The following TFCP2L1 variants were observed in gnomAD, a reference collection of about 807,000 sequenced individuals.
TFCP2L1 encodes the protein transcription factor CP2 like 1.
A neutral mutation model predicts 72.2 loss-of-function variants in TFCP2L1; 12 were observed. The ratio of observed to expected loss-of-function variants is 0.17; its 90% CI spans 0.11 to 0.27. The LOEUF (loss-of-function observed/expected upper bound fraction) is 0.27. Ranked by LOEUF, TFCP2L1 falls within the 10% of genes least tolerant of loss-of-function variation. TFCP2L1 has a pLI of 1.00. For synonymous variants in TFCP2L1, 260 were observed against 251.0 expected, an observed-to-expected ratio of 1.04 and a Z score of -0.34; for missense variants, 488 against 624.6, an observed-to-expected ratio of 0.78 and a Z score of 2.33.
intron 6 of TFCP2L1, among the ~76,000 whole-genome samples, chr2:121,245,720 T>C (rs1686467041): frequency 6.6e-6 from 1 of 152,208 alleles, no homozygotes; most frequent in Admixed American, 6.5e-5. Flanking sequence ...TGCCCAGTGC[T>C]CACTGTGGGC....
intron 2 of TFCP2L1, among the ~76,000 whole-genome samples, chr2:121,260,914 T>A (rs74902675): frequency 0.036 from 5,479 of 152,302 alleles, 153 homozygotes; most frequent in East Asian, 0.14. Flanking sequence ...CTACAGTTAC[T>A]GGTTTGGGTA....
At chr2:121,255,824 G>A (rs1383142166) in intron 2 of TFCP2L1, among the ~76,000 whole-genome samples, 3 of 151,450 alleles carry the variant, frequency 2.0e-5, no homozygotes, top group South Asian at 4.2e-4. Context: ...CTCACTGCAA[G>A]CTCTGCCTCC....
intron 3 of TFCP2L1, 23 bp downstream of exon 3, chr2:121,249,548 T>A (rs1454062534): frequency 6.2e-7 from 1 of 1,609,986 alleles, no homozygotes; most frequent in African/African-American, 1.3e-5. Context: ...CCCGAGGCAA[T>A]GAGAACAGCC....
chr2:121,274,364 G>A (rs1241508687), intron 2 of TFCP2L1, among the ~76,000 whole-genome samples: 9 of 152,116 alleles, frequency 5.9e-5, no homozygotes, highest in African/African-American at 1.7e-4. Flanking sequence ...GAGTCCTGAC[G>A]TGACCCCACA....
At position 121,255,444 on chromosome 2, in the gene TFCP2L1, G is replaced by A. The variant is rs758650225; in HGVS notation, c.215-5797C>T. 3.9e-5 allele frequency among the ~76,000 whole-genome samples: 6 copies of A among 152,154 alleles called. No homozygotes were observed. The South Asian group carries it at 8.3e-4, about 21-fold the overall frequency. ...AAAATAACCAAAACTGAATTGTCAC[G>A]TAGCCATGTGCCAGTACACTGCAAG... is the stretch of plus-strand genomic sequence containing the variant. On this transcript the variant is annotated intron_variant, in intron 2 of 14. Transcript: ENST00000263707.
At chr2:121,271,241 T>C (rs902511097) in intron 2 of TFCP2L1, among the ~76,000 whole-genome samples, 3 of 148,148 alleles carry the variant, frequency 2.0e-5, no homozygotes, top group Admixed American at 6.7e-5. Context: ...AAACAGCAAA[T>C]ATAAATATGA....
At chr2:121,278,360 A>G (rs1341676919) in intron 2 of TFCP2L1, among the ~76,000 whole-genome samples, 1 of 148,560 alleles carries the variant, frequency 6.7e-6, no homozygotes, top group Non-Finnish European at 1.5e-5. Flanking sequence ...TAACTGATCT[A>G]TGAGAGGATC....
chr2:121,246,991 C>A, intron 5 of TFCP2L1, 21 bp from the exon 6 acceptor site: 1 of 1,613,686 alleles, frequency 6.2e-7, no homozygotes, highest in Non-Finnish European at 8.5e-7. Context: ...AAACGTTGGG[C>A]AGGTGGCAAG....
rs1366762489 is a variant in TFCP2L1 at position 121,219,455 on chromosome 2, T to C, written c.*4886A>G. ...GGAATATCTGGGAGCCCCCATAAGT[T>C]TGCGGAGGAAGTAGTCAGCCCAGTT... On this transcript the variant is annotated 3_prime_UTR_variant, in exon 15 of 15. Coordinates refer to ENST00000263707, the MANE Select transcript of TFCP2L1 (RefSeq NM_014553.3). 1 of 152,182 alleles carries C rather than the reference T, an allele frequency of 6.6e-6. No homozygotes were observed. Among genetic ancestry groups the C allele is most frequent in the African/African-American group, 2.4e-5 (1 of 41,414 alleles). 9.4% of individuals were successfully genotyped at this position (152,182 alleles called of 1,614,324 possible).
intron 10 of TFCP2L1, among the ~76,000 whole-genome samples, chr2:121,236,092 G>A (rs918357865): frequency 6.6e-6 from 1 of 152,168 alleles, no homozygotes; most frequent in Admixed American, 6.5e-5. Flanking sequence ...TAGTCAGAGT[G>A]TTCATGCCCG....
chr2:121,266,561 T>C (rs1306704408), intron 2 of TFCP2L1, among the ~76,000 whole-genome samples: 1 of 152,202 alleles, frequency 6.6e-6, no homozygotes, highest in Non-Finnish European at 1.5e-5. Flanking sequence ...AGGCAGGCAG[T>C]TGCAGTCACC....
chr2:121,255,095 C>T (rs978109832), intron 2 of TFCP2L1, among the ~76,000 whole-genome samples: 7 of 152,232 alleles, frequency 4.6e-5, no homozygotes, highest in African/African-American at 1.7e-4. Context: ...TTTCCAGAAC[C>T]CACCACACTT....
chr2:121,275,425 T>C (rs374741419), intron 2 of TFCP2L1, among the ~76,000 whole-genome samples: 6 of 110,778 alleles, frequency 5.4e-5, no homozygotes, highest in African/African-American at 1.8e-4. Flanking sequence ...AGAAATAACA[T>C]GTAGACATTT....
chr2:121,253,365 A>G (rs1051000387), intron 2 of TFCP2L1, among the ~76,000 whole-genome samples: 2 of 152,222 alleles, frequency 1.3e-5, no homozygotes, highest in African/African-American at 4.8e-5. Flanking sequence ...TTGCTTCCCT[A>G]TTCAACATGG....
intron 2 of TFCP2L1, among the ~76,000 whole-genome samples, chr2:121,251,234 CGA>C (rs1476796211): frequency 2.7e-5 from 4 of 150,434 alleles, no homozygotes; most frequent in African/African-American, 4.9e-5. Flanking sequence ...CCAGCCTGGG[CGA>C]GAGAGTGAGA....
chr2:121,234,539 A>G (rs1686205543), intron 11 of TFCP2L1, among the ~76,000 whole-genome samples: 1 of 152,236 alleles, frequency 6.6e-6, no homozygotes, highest in African/African-American at 2.4e-5. Context: ...TATCGCTCTC[A>G]TTCCACAGTT....
intron 2 of TFCP2L1, among the ~76,000 whole-genome samples, chr2:121,280,721 G>T (rs1687238195): frequency 7.0e-6 from 1 of 143,698 alleles, no homozygotes; most frequent in Non-Finnish European, 1.5e-5. Context: ...CCATGATCAT[G>T]CCACTGCATG....
chr2:121,247,130 G>C (rs1686505236), intron 5 of TFCP2L1, among the ~76,000 whole-genome samples, 160 bp from the exon 6 acceptor site: 1 of 152,054 alleles, frequency 6.6e-6, no homozygotes, highest in Non-Finnish European at 1.5e-5. Context: ...ACTCCATCAG[G>C]CCGGTGGCCT....
chr2:121,243,209 G>C (rs1686413867), intron 6 of TFCP2L1, among the ~76,000 whole-genome samples: 1 of 152,234 alleles, frequency 6.6e-6, no homozygotes, highest in Non-Finnish European at 1.5e-5. Context: ...ACTTGGCGAA[G>C]TCAGATGTAA....
Sources: allele counts gnomAD v4.1 joint callset (sites outside exome capture counted in the v4.1 genomes callset), GRCh38; gene constraint gnomAD v4.1.1; transcripts MANE v1.5; gene names NCBI Gene and HGNC (gene_info 2026-07-23, HGNC 2026-07-21).